DENND1B: variants seen among roughly 807,000 people sequenced by gnomAD.
DENND1B encodes DENN domain containing 1B.
A neutral mutation model predicts 90.1 loss-of-function variants in DENND1B; 59 were observed. The observed-to-expected ratio is 0.65, with a 90% CI of 0.53 to 0.81. The LOEUF is 0.81. Among genes scored for constraint, DENND1B ranks in the 40% least tolerant of loss-of-function variants. The pLI is 0.00. For synonymous variants in DENND1B, 337 were observed against 324.6 expected (o/e 1.04, Z -0.41); for missense variants, 862 against 912.6 (o/e 0.94, Z 0.71).
intron 20 of DENND1B, among the ~76,000 whole-genome samples, chr1:197,529,097 G>A (rs559886677): frequency 1.2e-3 from 181 of 150,718 alleles, no homozygotes; most frequent in African/African-American, 4.3e-3. Context: ...CACTGCAAAT[G>A]AAAAATAACT....
chr1:197,769,488 T>G lies in DENND1B; in HGVS notation c.82+3380A>C, dbSNP rs141793294. 6.8e-4 allele frequency among the ~76,000 whole-genome samples: 103 copies of G among 152,300 alleles called. No individual in the cohort carries two copies. The East Asian group carries it at 0.02, about 29-fold the overall frequency. ...AGAGTTCCAACTTCCACTGACAGTCTTATAACCGCAAGAAATCTAAGCCCT... is the reference window on the plus strand; with the variant it reads ...AGAGTTCCAACTTCCACTGACAGTCGTATAACCGCAAGAAATCTAAGCCCT... On this transcript the variant is annotated intron_variant, in intron 2 of 22. Transcript: ENST00000620048.
chr1:197,512,064 A>C, intron 21 of DENND1B, 120 bp from the exon 22 acceptor site: 1 of 715,398 alleles, frequency 1.4e-6, no homozygotes, highest in Non-Finnish European at 2.2e-6. Flanking sequence ...TAATTAGTTC[A>C]TCACCAAATT....
chr1:197,564,395 CAAAAAAAA>C (rs71131780), intron 15 of DENND1B, among the ~76,000 whole-genome samples: 2 of 63,156 alleles, frequency 3.2e-5, no homozygotes, highest in Admixed American at 2.5e-4. Context: ...CCTCCACCAG[CAAAAAAAA>C]AAAAAAAAAA....
chr1:197,672,187 G>T, intron 4 of DENND1B, 31 bp from the exon 5 acceptor site: 2 of 1,553,952 alleles, frequency 1.3e-6, no homozygotes, highest in Non-Finnish European at 1.7e-6. Context: ...GAAACATTGT[G>T]CCTTGTTTGA....
intron 13 of DENND1B, chr1:197,605,990 A>G (rs1255221891): frequency 2.0e-5 from 3 of 151,164 alleles, no homozygotes; most frequent in African/African-American, 7.3e-5. Flanking sequence ...AAGTAGTTCA[A>G]TATTACAGAA....
chr1:197,714,564 T>TA (rs1359268328), intron 3 of DENND1B, among the ~76,000 whole-genome samples: 6 of 151,928 alleles, frequency 3.9e-5, no homozygotes, highest in Admixed American at 3.3e-4. Flanking sequence ...TATTTTAAAA[T>TA]AAAAAAAGTG....
chr1:197,698,258 C>T (rs1658652298), intron 3 of DENND1B, among the ~76,000 whole-genome samples: 5 of 151,944 alleles, frequency 3.3e-5, no homozygotes. Flanking sequence ...AAGATTAAGA[C>T]ATTCACTCGA....
chr1:197,566,047 T>A (rs1380953750), intron 15 of DENND1B, among the ~76,000 whole-genome samples: 1 of 152,060 alleles, frequency 6.6e-6, no homozygotes, highest in Non-Finnish European at 1.5e-5. Context: ...TAGTTCTAGA[T>A]CCCTGAGGAA....
At position 197,510,698 on chromosome 1, in the gene DENND1B, T is replaced by A. The variant is rs1259313624; in HGVS notation, c.2090A>T (p.Asp697Val). ...TTCCCTCTTTTCTGTTTTTCCTTTA[T>A]CAGTCTGGGAAACTTCAGGGGAAGT... ...QLTSPEVSQT[D>V]KGKTEKRETL... Residue 697 changes from aspartate (D) to valine (V), a missense_variant, in exon 23 of 23, where the codon GAT (aspartate) becomes GTT (valine). By Grantham distance (152) the Asp-to-Val change is radical. Coordinates refer to ENST00000620048, the MANE Select transcript of DENND1B (RefSeq NM_001195215.2). The A allele has an allele frequency of 6.2e-7, 1 of 1,612,816 alleles. No individual in the cohort carries two copies. The highest frequency in any genetic ancestry group is 1.7e-5 in the Admixed American group (1 of 59,822).
intron 15 of DENND1B, among the ~76,000 whole-genome samples, chr1:197,574,678 C>T (rs1222284103): frequency 6.6e-6 from 1 of 152,132 alleles, no homozygotes; most frequent in African/African-American, 2.4e-5. Context: ...ATCACGCTAC[C>T]TAACTTCAAA....
In DENND1B at chr1:197,568,467, A is replaced by C. The variant is rs573928455; in HGVS notation, c.1149+14685T>G. Among the ~76,000 whole-genome samples the C allele has an allele frequency of 2.0e-5, 3 of 152,152 alleles. No homozygotes were observed. In the South Asian group the frequency reaches 6.2e-4, roughly 31 times the overall value. ...TCAACGTAATTCCTACCAAGGTTCC[A>C]ATGATATTTTTCTCAGAAATATAAA... On this transcript the variant is annotated intron_variant, in intron 15 of 22. Transcript: ENST00000620048.
rs1658575229 is a variant in DENND1B at position 197,697,652 on chromosome 1, G to A, written c.126+17379C>T. Among the ~76,000 whole-genome samples the A allele has an allele frequency of 2.0e-5, 3 of 151,582 alleles. No individual in the cohort carries two copies. In the South Asian group the frequency reaches 6.2e-4, roughly 31 times the overall value. On this transcript the variant is annotated intron_variant, in intron 3 of 22. Transcript: ENST00000620048. The stretch of plus-strand genomic sequence containing the variant: ...ACAAATTGGATAGTCAAGACCCACT[G>A]GTGTGCTATATTCAGGAGACCCATC...
At chr1:197,527,586 G>A (rs1232720052) in intron 20 of DENND1B, among the ~76,000 whole-genome samples, 2 of 151,870 alleles carry the variant, frequency 1.3e-5, no homozygotes, top group East Asian at 1.9e-4. Flanking sequence ...CTGGCCTATC[G>A]CTTGAAGTTT....
At chr1:197,717,312 A>G (rs572043511) in intron 2 of DENND1B, among the ~76,000 whole-genome samples, 4 of 151,952 alleles carry the variant, frequency 2.6e-5, no homozygotes, top group Non-Finnish European at 5.9e-5. Flanking sequence ...TGATCTGGCA[A>G]TGTTAGGTCA....
intron 15 of DENND1B, among the ~76,000 whole-genome samples, chr1:197,582,853 T>C (rs1674363846): frequency 6.6e-6 from 1 of 152,200 alleles, no homozygotes; most frequent in African/African-American, 2.4e-5. Flanking sequence ...TAACTTCTTC[T>C]AAGATGCCTT....
rs762480860 is a variant in DENND1B at position 197,505,996 on chromosome 1, CA to C, written c.*4463del. ...GCTGAGGCAGTTAGTTATGATACAA[CA>C]ACACAATATCCATAATAATTTTAAA... On this transcript the variant is annotated 3_prime_UTR_variant, in exon 23 of 23. Coordinates refer to ENST00000620048, the MANE Select transcript of DENND1B (RefSeq NM_001195215.2). 19 of 151,638 alleles carry C rather than the reference CA, an allele frequency of 1.3e-4. No individual in the cohort carries two copies. Among genetic ancestry groups the C allele is most frequent in the Middle Eastern group, 3.4e-3 (1 of 294 alleles). 9.4% of individuals were successfully genotyped at this position (151,638 alleles called of 1,614,324 possible). A position where few individuals can be genotyped will look rare whatever the true frequency, so the allele number is the denominator to read the frequency against.
rs761457485 is a variant in DENND1B at position 197,683,658 on chromosome 1, G to A, written c.127-9489C>T. Among the ~76,000 whole-genome samples, 10 of 152,038 alleles carry A rather than the reference G, an allele frequency of 6.6e-5. 1 individual carries two copies. The highest frequency in any genetic ancestry group is 1.5e-4 in the Non-Finnish European group (10 of 68,012). ...TTAGTATTGTATTCTCCAATGTTAC[G>A]AAAGATAAATATCCTTCTTCATATT... is the stretch of plus-strand genomic sequence containing the variant. On this transcript the variant is annotated intron_variant, in intron 3 of 22. Transcript: ENST00000620048.
intron 2 of DENND1B, chr1:197,747,199 T>C: frequency 1.4e-6 from 1 of 726,258 alleles, no homozygotes; most frequent in Non-Finnish European, 2.5e-6. Context: ...AGAATGTTTT[T>C]TATGCAATTC....
rs1328423974 is a variant in DENND1B at position 197,509,252 on chromosome 1, C to T, written c.*1208G>A. 2 of 151,800 alleles carry T rather than the reference C, an allele frequency of 1.3e-5. No individual in the cohort carries two copies. The highest frequency in any genetic ancestry group is 2.9e-5 in the Non-Finnish European group (2 of 67,884). 9.4% of individuals were successfully genotyped at this position (151,800 alleles called of 1,614,324 possible). On this transcript the variant is annotated 3_prime_UTR_variant, in exon 23 of 23. Transcript: ENST00000620048. ...ATGCTACAATTTATCTGACAGTACT[C>T]TTCAAAGCTGTCAATGTCATCAAAA...
Sources: gnomAD v4.1 joint callset for allele counts (sites outside exome capture counted in the v4.1 genomes callset) on GRCh38, gnomAD v4.1.1 for gene constraint, MANE v1.5 for transcripts, NCBI Gene and HGNC (gene_info 2026-07-23, HGNC 2026-07-21) for gene names.